Variants in GPM6A observed in about 807,000 individuals in gnomAD.
GPM6A encodes neuronal membrane glycoprotein M6-a.
Under a neutral mutation model 32.1 loss-of-function variants are expected in GPM6A, and 7 were observed. The ratio of observed to expected loss-of-function variants is 0.22; its 90% CI spans 0.12 to 0.41. The LOEUF is 0.41. Ranked by LOEUF, GPM6A falls within the 10% of genes least tolerant of loss-of-function variation. GPM6A has a pLI of 1.00. For missense variants in GPM6A, 235 were observed against 347.2 expected (o/e 0.68, Z 2.57); for synonymous variants, 130 against 123.4 (o/e 1.05, Z -0.35).
intron 3 of GPM6A, among the ~76,000 whole-genome samples, chr4:175,671,015 C>T (rs142870088): frequency 0.021 from 3,163 of 152,102 alleles, 59 homozygotes; most frequent in Non-Finnish European, 0.034. Flanking sequence ...AGGCGCCTGC[C>T]ACCATGCCCG....
chr4:175,634,592 G>A lies in GPM6A; in HGVS notation c.*313C>T. The A allele has an allele frequency of 3.8e-6, 1 of 260,562 alleles. No homozygotes were observed. Among genetic ancestry groups the A allele is most frequent in the Non-Finnish European group, 7.3e-6 (1 of 137,314 alleles). 16.1% of individuals were successfully genotyped at this position (260,562 alleles called of 1,614,324 possible). ...TGTTATGTATAACACATGGGAAGTG[G>A]TTAAAAATCAAACAAATCTTTGCAT... On this transcript the variant is annotated 3_prime_UTR_variant, in exon 7 of 7. Coordinates refer to ENST00000393658, the MANE Select transcript of GPM6A (RefSeq NM_201591.3).
intron 6 of GPM6A, among the ~76,000 whole-genome samples, chr4:175,639,645 A>T (rs925315768): frequency 4.6e-5 from 7 of 152,196 alleles, no homozygotes; most frequent in African/African-American, 1.4e-4. Flanking sequence ...TTAAAAGAAG[A>T]TCTAAAGACT....
chr4:175,917,687 T>C (rs1465251204), intron 1 of GPM6A, among the ~76,000 whole-genome samples: 1 of 152,070 alleles, frequency 6.6e-6, no homozygotes, highest in African/African-American at 2.4e-5. Context: ...AGGATGGACA[T>C]GTTAAAATGC....
chr4:175,877,075 C>T (rs1342357067), intron 1 of GPM6A, among the ~76,000 whole-genome samples: 2 of 152,112 alleles, frequency 1.3e-5, no homozygotes, highest in African/African-American at 4.8e-5. Context: ...TGATGATTCC[C>T]TGCCATCAGG....
intron 1 of GPM6A, among the ~76,000 whole-genome samples, chr4:175,877,931 G>C (rs1189540395): frequency 6.6e-6 from 1 of 152,136 alleles, no homozygotes; most frequent in Non-Finnish European, 1.5e-5. Context: ...GATACAATGG[G>C]GTAAAGGCAC....
intron 1 of GPM6A, among the ~76,000 whole-genome samples, chr4:175,873,468 T>C (rs1395277184): frequency 6.6e-6 from 1 of 152,168 alleles, no homozygotes; most frequent in Non-Finnish European, 1.5e-5. Context: ...TATTCAGCTA[T>C]GTTATTATAT....
At chr4:175,807,427 C>T (rs1401975836) in intron 1 of GPM6A, 1 of 152,122 alleles carries the variant, frequency 6.6e-6, no homozygotes, top group African/African-American at 2.4e-5. Flanking sequence ...ATTTGTTTTA[C>T]TTAGAGGTCT....
intron 1 of GPM6A, among the ~76,000 whole-genome samples, chr4:175,739,413 T>C (rs1458473874): frequency 6.6e-6 from 1 of 152,124 alleles, no homozygotes; most frequent in African/African-American, 2.4e-5. Context: ...AAAACAGAAG[T>C]CTCTATTGCT....
intron 1 of GPM6A, among the ~76,000 whole-genome samples, chr4:175,863,656 A>G (rs1736641056): frequency 6.6e-6 from 1 of 152,178 alleles, no homozygotes; most frequent in Non-Finnish European, 1.5e-5. Context: ...AAACTTCAAA[A>G]TTATTTTCCA....
At chr4:175,933,024 A>G (rs1246690131) in intron 1 of GPM6A, among the ~76,000 whole-genome samples, 1 of 152,114 alleles carries the variant, frequency 6.6e-6, no homozygotes, top group African/African-American at 2.4e-5. Context: ...GTCTATAAAA[A>G]AACACCACAC....
chr4:175,924,582 G>A lies in GPM6A; in HGVS notation c.-23+77727C>T, dbSNP rs568743640. On this transcript the variant is annotated intron_variant, in intron 1 of 7. Transcript: ENST00000280187. ...AGGCCAAGTGGGATGGCTCAAGCCTGTAATCCCAGTACTTTGGGAGGCCGA... is the reference window on the plus strand; with the variant it reads ...AGGCCAAGTGGGATGGCTCAAGCCTATAATCCCAGTACTTTGGGAGGCCGA... Among the ~76,000 whole-genome samples the A allele has an allele frequency of 4.6e-5, 7 of 152,326 alleles. No homozygotes were observed. The East Asian group carries it at 1.4e-3, about 29-fold the overall frequency.
chr4:175,761,770 A>G (rs1263902974), intron 1 of GPM6A, among the ~76,000 whole-genome samples: 1 of 151,806 alleles, frequency 6.6e-6, no homozygotes, highest in African/African-American at 2.4e-5. Context: ...AAATAACATC[A>G]ACAGTTTCTC....
At chr4:175,702,005 C>T (rs1744907598) in intron 1 of GPM6A, among the ~76,000 whole-genome samples, 1 of 152,154 alleles carries the variant, frequency 6.6e-6, no homozygotes, top group Non-Finnish European at 1.5e-5. Flanking sequence ...ACCGCAAAAC[C>T]TAGAGAAGCC....
intron 1 of GPM6A, among the ~76,000 whole-genome samples, chr4:175,821,331 T>A (rs1275153331): frequency 6.6e-6 from 1 of 152,162 alleles, no homozygotes; most frequent in East Asian, 1.9e-4. Context: ...CACAGTATTG[T>A]TTGCTTTTTG....
intron 1 of GPM6A, among the ~76,000 whole-genome samples, chr4:175,855,083 AG>A (rs1736376789): frequency 6.6e-6 from 1 of 152,188 alleles, no homozygotes; most frequent in African/African-American, 2.4e-5. Context: ...ATTATATCCA[AG>A]TAATTAACTG....
At chr4:175,991,003 T>A (rs1741120030) in intron 1 of GPM6A, among the ~76,000 whole-genome samples, 1 of 152,104 alleles carries the variant, frequency 6.6e-6, no homozygotes, top group South Asian at 2.1e-4. Context: ...GAAATTTGCT[T>A]TCTTACATAC....
intron 4 of GPM6A, among the ~76,000 whole-genome samples, chr4:175,649,641 A>G (rs1741668249): frequency 6.6e-6 from 1 of 152,210 alleles, no homozygotes; most frequent in Admixed American, 6.5e-5. Flanking sequence ...ACCATCACAT[A>G]CAAGAGAATC....
intron 1 of GPM6A, among the ~76,000 whole-genome samples, chr4:175,932,138 G>T (rs1739071358): frequency 6.6e-6 from 1 of 151,744 alleles, no homozygotes; most frequent in African/African-American, 2.4e-5. Context: ...AGAAAAAAGT[G>T]CTAGGAATGA....
At chr4:175,940,538 T>G (rs1739372861) in intron 1 of GPM6A, among the ~76,000 whole-genome samples, 1 of 152,200 alleles carries the variant, frequency 6.6e-6, no homozygotes, top group African/African-American at 2.4e-5. Flanking sequence ...TTATAACAGC[T>G]GCTCTGCTAT....
Sources: allele counts gnomAD v4.1 joint callset (sites outside exome capture counted in the v4.1 genomes callset), GRCh38; gene constraint gnomAD v4.1.1; transcripts MANE v1.5; gene names NCBI Gene and HGNC (gene_info 2026-07-23, HGNC 2026-07-21).